The following SOX5 variants were observed in gnomAD, a reference collection of about 807,000 sequenced individuals.
SOX5 encodes the protein SRY-box transcription factor 5.
A neutral mutation model predicts 92.0 loss-of-function variants in SOX5; 9 were observed. The observed-to-expected ratio is 0.10, with a 90% CI of 0.06 to 0.17. The LOEUF (loss-of-function observed/expected upper bound fraction) is 0.17, where lower values mean the gene tolerates loss of function less well. Among genes scored for constraint, SOX5 ranks in the 10% least tolerant of loss-of-function variants. The pLI is 1.00. For synonymous variants in SOX5, 344 were observed against 336.3 expected (o/e 1.02, Z -0.25); for missense variants, 642 against 944.5 (o/e 0.68, Z 4.20).
At chr12:23,988,116 C>G (rs531343803) in intron 4 of SOX5, among the ~76,000 whole-genome samples, 3 of 152,244 alleles carry the variant, frequency 2.0e-5, no homozygotes, top group African/African-American at 7.2e-5. Flanking sequence ...TCAATAATGA[C>G]TCACAAATTT....
chr12:24,472,580 A>C (rs1480177394), intron 1 of SOX5, among the ~76,000 whole-genome samples: 2 of 152,172 alleles, frequency 1.3e-5, no homozygotes, highest in Non-Finnish European at 2.9e-5. Context: ...AAGGCCCCCA[A>C]ATGGTTAACA....
At chr12:24,318,710 T>C (rs779778879) in intron 2 of SOX5, among the ~76,000 whole-genome samples, 1 of 152,198 alleles carries the variant, frequency 6.6e-6, no homozygotes, top group Non-Finnish European at 1.5e-5. Flanking sequence ...TGAAGATCAA[T>C]GATTTGATAG....
intron 3 of SOX5, among the ~76,000 whole-genome samples, chr12:23,764,904 T>A (rs915948455): frequency 1.3e-5 from 2 of 151,970 alleles, no homozygotes; most frequent in Admixed American, 6.6e-5. Flanking sequence ...ACAACATATG[T>A]GAAAACAAAT....
chr12:24,446,566 C>T (rs1941504955), intron 1 of SOX5, among the ~76,000 whole-genome samples: 1 of 152,142 alleles, frequency 6.6e-6, no homozygotes, highest in Admixed American at 6.6e-5. Flanking sequence ...CATGCACCAA[C>T]ATGGGGAAGA....
intron 1 of SOX5, among the ~76,000 whole-genome samples, chr12:23,916,177 C>T (rs1237892911): frequency 6.6e-6 from 1 of 152,206 alleles, no homozygotes; most frequent in Non-Finnish European, 1.5e-5. Context: ...CTCTTTCTTA[C>T]ACACTATCAT....
chr12:24,059,605 AATGGC>A (rs1303204223), intron 4 of SOX5, among the ~76,000 whole-genome samples: 1 of 152,062 alleles, frequency 6.6e-6, no homozygotes, highest in African/African-American at 2.4e-5. Flanking sequence ...TGTGATGGGG[AATGGC>A]ATGTTGCCCC....
intron 6 of SOX5, 35 bp downstream of exon 6, chr12:23,734,649 T>A (rs945727636): frequency 6.1e-6 from 9 of 1,465,338 alleles, no homozygotes; most frequent in Non-Finnish European, 8.5e-6. Flanking sequence ...ATATATTTTT[T>A]AAATTGTAAG....
intron 2 of SOX5, among the ~76,000 whole-genome samples, chr12:24,282,433 AG>A (rs1196816722): frequency 2.0e-5 from 3 of 151,784 alleles, no homozygotes; most frequent in Admixed American, 1.3e-4. Flanking sequence ...AGAAATAAAA[AG>A]CAATCTACAA....
At chr12:24,509,614 G>A (rs554147697) in intron 1 of SOX5, among the ~76,000 whole-genome samples, 3 of 152,284 alleles carry the variant, frequency 2.0e-5, no homozygotes, top group Admixed American at 2.0e-4. Context: ...CCAATAAATA[G>A]TCATGAAAGC....
chr12:24,215,630 T>C (rs1959108130), intron 3 of SOX5, among the ~76,000 whole-genome samples: 1 of 152,154 alleles, frequency 6.6e-6, no homozygotes, highest in South Asian at 2.1e-4. Flanking sequence ...ACAACCCACA[T>C]TCATGGATGA....
chr12:24,102,948 A>G (rs1157587259), intron 4 of SOX5, among the ~76,000 whole-genome samples: 2 of 152,224 alleles, frequency 1.3e-5, no homozygotes, highest in African/African-American at 2.4e-5. Flanking sequence ...AGGGCGTGAA[A>G]ATTACAATGA....
intron 3 of SOX5, among the ~76,000 whole-genome samples, chr12:23,823,485 C>T (rs1281627425): frequency 6.6e-6 from 1 of 152,164 alleles, no homozygotes; most frequent in Non-Finnish European, 1.5e-5. Context: ...GAGAGATATG[C>T]TATTAGTCTG....
At chr12:24,027,769 C>T (rs1592470516) in intron 4 of SOX5, among the ~76,000 whole-genome samples, 1 of 152,016 alleles carries the variant, frequency 6.6e-6, no homozygotes, top group Admixed American at 6.6e-5. Context: ...CCCTCATATG[C>T]AAAATCCTTT....
chr12:23,611,136 C>T (rs1335661213), intron 8 of SOX5, among the ~76,000 whole-genome samples: 1 of 151,836 alleles, frequency 6.6e-6, no homozygotes, highest in African/African-American at 2.4e-5. Flanking sequence ...ATTATTTGAC[C>T]AATGTCTCCT....
intron 4 of SOX5, among the ~76,000 whole-genome samples, chr12:23,973,815 T>C (rs1347317966): frequency 6.6e-6 from 1 of 152,158 alleles, no homozygotes; most frequent in Non-Finnish European, 1.5e-5. Flanking sequence ...CATTAGATTC[T>C]CATAGGAGTG....
chr12:24,267,753 T>C (rs1446797858), intron 3 of SOX5, among the ~76,000 whole-genome samples: 1 of 152,220 alleles, frequency 6.6e-6, no homozygotes, highest in East Asian at 1.9e-4. Context: ...GTTCATGTAT[T>C]ATTTTATTTG....
intron 4 of SOX5, among the ~76,000 whole-genome samples, chr12:24,057,271 G>T (rs1444829268): frequency 6.6e-6 from 1 of 151,982 alleles, no homozygotes; most frequent in Non-Finnish European, 1.5e-5. Flanking sequence ...CAAAGCAAAT[G>T]TAAACTAAAA....
chr12:24,039,361 TATTGTGTGGTGGTG>T (rs1333177605), intron 4 of SOX5, among the ~76,000 whole-genome samples: 20 of 152,278 alleles, frequency 1.3e-4, no homozygotes, highest in Admixed American at 1.2e-3. Flanking sequence ...CTTTAAAGTA[TATTGTGTGGTGGTG>T]ACTGTCCAAG....
intron 4 of SOX5, among the ~76,000 whole-genome samples, chr12:23,958,992 C>G (rs535528210): frequency 6.6e-6 from 1 of 151,794 alleles, no homozygotes; most frequent in Non-Finnish European, 1.5e-5. Context: ...CTATGATGAA[C>G]TCATTCACAT....
Sources: allele counts gnomAD v4.1 joint callset (sites outside exome capture counted in the v4.1 genomes callset), GRCh38; gene constraint gnomAD v4.1.1; transcripts MANE v1.5; gene names NCBI Gene and HGNC (gene_info 2026-07-23, HGNC 2026-07-21).